PIK3C2A: variants seen among roughly 807,000 people sequenced by gnomAD.
The protein encoded by PIK3C2A is phosphatidylinositol-4-phosphate 3-kinase catalytic subunit type 2 alpha.
A neutral mutation model predicts 204.5 loss-of-function variants in PIK3C2A; 97 were observed. The ratio of observed to expected loss-of-function variants is 0.47; its 90% confidence interval spans 0.40 to 0.56. PIK3C2A has a LOEUF of 0.56. Among genes scored for constraint, PIK3C2A ranks in the 20% least tolerant of loss-of-function variants. The pLI is 0.00. For missense variants in PIK3C2A, 1,735 were observed against 1,969.2 expected (o/e 0.88, Z 2.25); for synonymous variants, 653 against 664.4 (o/e 0.98, Z 0.26).
At chr11:17,097,349 T>C (rs1848484793) in intron 26 of PIK3C2A, 85 bp from the exon 27 acceptor site, 3 of 795,692 alleles carry the variant, frequency 3.8e-6, no homozygotes, top group Non-Finnish European at 6.2e-6. Context: ...AAAACCACTT[T>C]CATTCCTTTA....
intron 24 of PIK3C2A, 117 bp from the exon 25 acceptor site, chr11:17,101,551 A>G: frequency 2.2e-6 from 1 of 447,800 alleles, no homozygotes; most frequent in Non-Finnish European, 3.9e-6. Context: ...TAGGAAACTT[A>G]ATACCACACA....
chr11:17,102,411 T>C (rs1044884666), intron 24 of PIK3C2A, among the ~76,000 whole-genome samples: 2 of 152,218 alleles, frequency 1.3e-5, no homozygotes, highest in Non-Finnish European at 2.9e-5. Flanking sequence ...CACTCCAGCC[T>C]GGGCGACACA....
At chr11:17,198,442 C>G (rs894416810) in intron 1 of PIK3C2A, among the ~76,000 whole-genome samples, 1 of 152,100 alleles carries the variant, frequency 6.6e-6, no homozygotes, top group Non-Finnish European at 1.5e-5. Context: ...GTTACTTGAT[C>G]TCCCTTTGTC....
At chr11:17,134,486 C>T (rs1215678461) in intron 11 of PIK3C2A, among the ~76,000 whole-genome samples, 1 of 152,110 alleles carries the variant, frequency 6.6e-6, no homozygotes, top group African/African-American at 2.4e-5. Flanking sequence ...CTCAGCCTCC[C>T]AAATAGCTGG....
At position 17,120,075 on chromosome 11, in the gene PIK3C2A, T is replaced by C. The variant is rs1849324833; in HGVS notation, c.2658-101A>G. On this transcript the variant is annotated intron_variant, in intron 15 of 32. Transcript: ENST00000691414. ...AAGAAATTTATTTATTTGGGACAGCTACTTCTTCATAAAATCATTAATACT... is the reference window on the plus strand; with the variant it reads ...AAGAAATTTATTTATTTGGGACAGCCACTTCTTCATAAAATCATTAATACT... The C allele has an allele frequency of 9.2e-6, 5 of 545,248 alleles. 1 individual carries two copies. In the Middle Eastern group the frequency reaches 1.5e-3, roughly 162 times the overall value. The allele number at this position is 545,248 out of a possible 1,614,324, so 33.8% of individuals were successfully genotyped here. A position where few individuals can be genotyped will look rare whatever the true frequency, so the allele number is the denominator to read the frequency against.
chr11:17,148,164 G>C (rs1383396507), intron 5 of PIK3C2A: 1 of 150,438 alleles, frequency 6.6e-6, no homozygotes, highest in Non-Finnish European at 1.5e-5. Flanking sequence ...AGCCAAGACT[G>C]TGCCACTGCA....
chr11:17,163,064 G>A (rs1054908055), intron 2 of PIK3C2A, among the ~76,000 whole-genome samples: 2 of 152,114 alleles, frequency 1.3e-5, no homozygotes, highest in Non-Finnish European at 2.9e-5. Context: ...CCAGCACTTG[G>A]GGGGACTGAG....
intron 11 of PIK3C2A, among the ~76,000 whole-genome samples, chr11:17,132,359 G>A (rs1353164715): frequency 8.8e-6 from 1 of 113,608 alleles, no homozygotes; most frequent in African/African-American, 3.5e-5. Context: ...GTCTCGCTCT[G>A]TCGCCCAGGA....
chr11:17,100,437 G>A (rs977597484), intron 25 of PIK3C2A, among the ~76,000 whole-genome samples: 4 of 152,014 alleles, frequency 2.6e-5, no homozygotes, highest in African/African-American at 9.7e-5. Context: ...GGCCAGGCTG[G>A]TCTCGAACTC....
At chr11:17,190,226 G>A (rs1335560090) in intron 1 of PIK3C2A, among the ~76,000 whole-genome samples, 4 of 151,860 alleles carry the variant, frequency 2.6e-5, no homozygotes, top group Non-Finnish European at 4.4e-5. Flanking sequence ...TCATGCCACT[G>A]TACTCCAGCC....
chr11:17,137,899 A>G (rs1849927761), intron 8 of PIK3C2A: 1 of 386,300 alleles, frequency 2.6e-6, no homozygotes, highest in Non-Finnish European at 4.8e-6. Flanking sequence ...TTAGGAAGAC[A>G]CTTCCCATCT....
intron 1 of PIK3C2A, among the ~76,000 whole-genome samples, chr11:17,200,838 T>C (rs1160493558): frequency 2.0e-5 from 3 of 152,356 alleles, no homozygotes; most frequent in South Asian, 4.1e-4. Context: ...ACAATGGTAG[T>C]ATCATGTCAT....
chr11:17,089,672 TGTGTGTGC>T lies in PIK3C2A; in HGVS notation c.*58_*65del. 1.1e-6 allele frequency: 1 copy of T among 890,908 alleles called. No homozygotes were observed. The highest frequency in any genetic ancestry group is 2.1e-5 in the Admixed American group (1 of 47,638). 55.2% of individuals were successfully genotyped at this position (890,908 alleles called of 1,614,324 possible). On this transcript the variant is annotated 3_prime_UTR_variant, in exon 33 of 33. Transcript: ENST00000691414. ...ACAAGTGTGTGTGTGTGTGTCTGTG[TGTGTGTGC>T]ATGTATGCATGCACGTTTATAACTG...
chr11:17,104,012 C>A (rs1043492647), intron 23 of PIK3C2A, among the ~76,000 whole-genome samples: 1 of 152,126 alleles, frequency 6.6e-6, no homozygotes, highest in Non-Finnish European at 1.5e-5. Context: ...TAACAAAGGT[C>A]AAAATTCCCC....
intron 1 of PIK3C2A, among the ~76,000 whole-genome samples, chr11:17,189,431 A>G (rs1370670197): frequency 6.8e-6 from 1 of 145,988 alleles, no homozygotes; most frequent in East Asian, 1.9e-4. Flanking sequence ...CGTGGCCAAG[A>G]TGGTGAAACC....
intron 22 of PIK3C2A, among the ~76,000 whole-genome samples, chr11:17,107,085 G>C (rs1469466275): frequency 6.6e-6 from 1 of 152,092 alleles, no homozygotes; most frequent in African/African-American, 2.4e-5. Context: ...AGGCCGAGGC[G>C]GGCAGATCAC....
chr11:17,203,109 G>T (rs1323287202), intron 1 of PIK3C2A, among the ~76,000 whole-genome samples: 1 of 152,100 alleles, frequency 6.6e-6, no homozygotes, highest in Non-Finnish European at 1.5e-5. Flanking sequence ...AGAAATCCAA[G>T]AATTAGTTTA....
chr11:17,102,207 C>A (rs576170795), intron 24 of PIK3C2A, among the ~76,000 whole-genome samples: 1 of 152,054 alleles, frequency 6.6e-6, no homozygotes, highest in Non-Finnish European at 1.5e-5. Flanking sequence ...GAGGCCGAGG[C>A]GGGTAGATCA....
In PIK3C2A at chr11:17,119,255, C is replaced by G; in HGVS notation, c.2905G>C (p.Asp969His). Residue 969 changes from aspartate to histidine, a missense_variant, in exon 17 of 33, where the codon GAT becomes CAT. Transcript: ENST00000691414. ...TGTGGAAGAAGATCTGTTAGCTCAT[C>G]ATCACTAATGGCCTCAATCCAGGTC... ...AVTWIEAISD[D>H]ELTDLLPQFV... 4.4e-6 allele frequency: 7 copies of G among 1,606,286 alleles called. No homozygotes were observed. Among genetic ancestry groups the G allele is most frequent in the Non-Finnish European group, 6.0e-6 (7 of 1,173,902 alleles).
Sources: allele counts gnomAD v4.1 joint callset (sites outside exome capture counted in the v4.1 genomes callset), GRCh38; gene constraint gnomAD v4.1.1; transcripts MANE v1.5; gene names NCBI Gene and HGNC (gene_info 2026-07-23, HGNC 2026-07-21).